ALDH3A1: variants seen among roughly 807,000 people sequenced by gnomAD.
ALDH3A1 encodes the protein aldehyde dehydrogenase, dimeric NADP-preferring.
A neutral mutation model predicts 49.9 loss-of-function variants in ALDH3A1; 46 were observed. The ratio of observed to expected loss-of-function variants is 0.92; its 90% CI spans 0.73 to 1.18. The LOEUF (loss-of-function observed/expected upper bound fraction) is 1.18. Among genes scored for constraint, ALDH3A1 ranks in the 50% most tolerant of loss-of-function variants. ALDH3A1 has a pLI of 0.00. For missense variants in ALDH3A1, 592 were observed against 611.8 expected, an observed-to-expected ratio of 0.97 and a Z score of 0.34; for synonymous variants, 269 against 253.3, an observed-to-expected ratio of 1.06 and a Z score of -0.59.
At chr17:19,738,634 C>A in intron 9 of ALDH3A1, 181 bp from the exon 10 acceptor site, 2 of 918,670 alleles carry the variant, frequency 2.2e-6, no homozygotes, top group Non-Finnish European at 3.2e-6. Context: ...GGTTGTGGCC[C>A]TTTTCTGGGC....
Position 19,741,253 on chromosome 17 carries a change from G to A in ALDH3A1, c.690-43C>T, listed in dbSNP as rs751274826. 34 of 1,573,064 alleles carry A rather than the reference G, an allele frequency of 2.2e-5. 1 individual carries two copies. The highest frequency in any genetic ancestry group is 2.7e-5 in the Non-Finnish European group (31 of 1,144,848). ...TGGACTAAATCCAAAAGGTTCCCCA[G>A]GAGTTGCATCTCGTTTTGCAGACCC... is the stretch of plus-strand genomic sequence containing the variant. On this transcript the variant is annotated intron_variant, in intron 5 of 10. Coordinates refer to ENST00000225740, the MANE Select transcript of ALDH3A1 (RefSeq NM_000691.5).
intron 8 of ALDH3A1, among the ~76,000 whole-genome samples, 177 bp from the exon 9 acceptor site, chr17:19,739,272 C>T (rs1286104213): frequency 6.6e-6 from 1 of 152,248 alleles, no homozygotes; most frequent in Non-Finnish European, 1.5e-5. Context: ...ACCACATGAG[C>T]AAAGAGTGAC....
chr17:19,745,218 CT>C (rs1250827522), intron 1 of ALDH3A1, 84 bp from the exon 2 acceptor site: 1 of 1,381,924 alleles, frequency 7.2e-7, no homozygotes, highest in Non-Finnish European at 9.6e-7. Context: ...TAGGAAGGGA[CT>C]TCCCTGGGCT....
rs1349079092 is a variant in ALDH3A1 at position 19,743,439 on chromosome 17, C to T, written c.187G>A (p.Glu63Lys). ...HKNEWNAYYE[E>K]VVYVLEEIEY... ...ATCTCCTCTAGGACGTACACCACCT[C>T]CTCATAGTAGGCGTTCCATTCATTC... Residue 63 changes from glutamate (E) to lysine (K), a missense_variant, in exon 3 of 11, where the codon GAG (glutamate) becomes AAG (lysine). Glu to Lys is a moderately conservative substitution (Grantham distance 56). Coordinates refer to ENST00000225740, the MANE Select transcript of ALDH3A1 (RefSeq NM_000691.5). This position sits in a 1 kb window ranked among gnomAD's most constrained non-coding sequence, Gnocchi z 4.4. The T allele has an allele frequency of 1.4e-5, 22 of 1,607,336 alleles. No individual in the cohort carries two copies. Among genetic ancestry groups the T allele is most frequent in the Non-Finnish European group, 1.7e-5 (20 of 1,175,886 alleles).
chr17:19,742,138 C>T lies in ALDH3A1; in HGVS notation c.555G>A (p.Leu185=), dbSNP rs1241245123. 6.2e-7 allele frequency: 1 copy of T among 1,614,120 alleles called. No individual in the cohort carries two copies. The highest frequency in any genetic ancestry group is 1.7e-5 in the Admixed American group (1 of 60,028). Reference sequence around the variant, plus strand: ...TCCCCACCCCCGTGCTGCCCGTGTACAGGATATGGTCGAACCTCTCCTTGA... The same window carrying T: ...TCCCCACCCCCGTGCTGCCCGTGTATAGGATATGGTCGAACCTCTCCTTGA... The part of the protein sequence containing the change: ...ELLKERFDHI[L]YTGSTGVGKI... Residue 185 remains leucine (L), a synonymous_variant, in exon 5 of 11, where the codon CTG becomes CTA. Coordinates refer to ENST00000225740, the MANE Select transcript of ALDH3A1 (RefSeq NM_000691.5).
At chr17:19,747,634 C>G (rs929184347) in intron 1 of ALDH3A1, among the ~76,000 whole-genome samples, 1 of 152,104 alleles carries the variant, frequency 6.6e-6, no homozygotes, top group South Asian at 2.1e-4. Flanking sequence ...ACCATCACGT[C>G]GCAGCTGCAC....
intron 7 of ALDH3A1, 69 bp from the exon 8 acceptor site, chr17:19,739,743 T>TA: frequency 6.4e-7 from 1 of 1,551,318 alleles, no homozygotes; most frequent in East Asian, 2.3e-5. Context: ...TGCAAGCACC[T>TA]AGACCCCTGC....
chr17:19,744,965 C>A lies in ALDH3A1; in HGVS notation c.162+3G>T, dbSNP rs1364010169. 1.3e-6 allele frequency: 2 copies of A among 1,542,424 alleles called. No individual in the cohort carries two copies. Among genetic ancestry groups the A allele is most frequent in the Non-Finnish European group, 1.7e-6 (2 of 1,153,386 alleles). On this transcript the variant is annotated splice_donor_region_variant and intron_variant, in intron 2 of 10. Coordinates refer to ENST00000225740, the MANE Select transcript of ALDH3A1 (RefSeq NM_000691.5). ...GCAGAAGGCGGCCGCCCAGCCTGAG[C>A]ACCTTGTGCAGGTCTGCGGCCAGCG...
At chr17:19,742,296 A>C in intron 4 of ALDH3A1, 84 bp from the exon 5 acceptor site, 1 of 1,452,156 alleles carries the variant, frequency 6.9e-7, no homozygotes, top group Non-Finnish European at 9.6e-7. Flanking sequence ...GCAGTGGCCA[A>C]GACCAGCAGC....
intron 7 of ALDH3A1, 146 bp from the exon 8 acceptor site, chr17:19,739,820 A>G: frequency 1.0e-6 from 1 of 988,380 alleles, no homozygotes; most frequent in South Asian, 1.7e-5. Flanking sequence ...TCAGAGAGGT[A>G]CCCTAGGCAC....
In ALDH3A1 at chr17:19,742,640, A is replaced by C; in HGVS notation, c.395-10T>G. ...AGGACCACTGAGTTCCCTGCAGAGCACACCGAGCCAGGCCTATGCCCAGGG... is the reference window on the plus strand; with the variant it reads ...AGGACCACTGAGTTCCCTGCAGAGCCCACCGAGCCAGGCCTATGCCCAGGG... On this transcript the variant is annotated splice_polypyrimidine_tract_variant and intron_variant, in intron 3 of 10. Transcript: ENST00000225740. 1 of 1,613,816 alleles carries C rather than the reference A, an allele frequency of 6.2e-7. No homozygotes were observed. The highest frequency in any genetic ancestry group is 1.7e-5 in the Admixed American group (1 of 60,010).
chr17:19,739,749 C>A, intron 7 of ALDH3A1, 75 bp from the exon 8 acceptor site: 1 of 1,521,594 alleles, frequency 6.6e-7, no homozygotes, highest in Non-Finnish European at 8.9e-7. Context: ...CACCTAGACC[C>A]CTGCTCCAAC....
At chr17:19,740,554 G>T (rs1483914993) in intron 6 of ALDH3A1, 77 bp from the exon 7 acceptor site, 1 of 1,528,406 alleles carries the variant, frequency 6.5e-7, no homozygotes, top group Admixed American at 1.8e-5. Flanking sequence ...ACACAGGCCA[G>T]CAGTGTCTGT....
Position 19,743,511 on chromosome 17 carries a change from C to A in ALDH3A1, c.163-48G>T. The stretch of plus-strand genomic sequence containing the variant: ...AGCTTCCAGGGCCAGGGCCCGCCTG[C>A]AGCTGGGGCGAGTGGGGAGCCCCAC... On this transcript the variant is annotated intron_variant, in intron 2 of 10. Coordinates refer to ENST00000225740, the MANE Select transcript of ALDH3A1 (RefSeq NM_000691.5). This position sits in a 1 kb window ranked among gnomAD's most constrained non-coding sequence, Gnocchi z 4.4. 6.5e-7 allele frequency: 1 copy of A among 1,543,240 alleles called. No homozygotes were observed. Among genetic ancestry groups the A allele is most frequent in the Non-Finnish European group, 8.7e-7 (1 of 1,143,534 alleles).
Position 19,743,723 on chromosome 17 carries a change from GCA to G in ALDH3A1, c.163-262_163-261del. Reference sequence around the variant, plus strand: ...GGGAGAGAGCCGGTGAAGGGACCAGGCATGGGCAACGGAATGGATCCAGGTAG... The same window carrying G: ...GGGAGAGAGCCGGTGAAGGGACCAGGTGGGCAACGGAATGGATCCAGGTAG... On this transcript the variant is annotated intron_variant, in intron 2 of 10. Coordinates refer to ENST00000225740, the MANE Select transcript of ALDH3A1 (RefSeq NM_000691.5). This position sits in a 1 kb window ranked among gnomAD's most constrained non-coding sequence, Gnocchi z 4.4. The G allele has an allele frequency of 1.0e-6, 1 of 985,170 alleles. No individual in the cohort carries two copies. Among genetic ancestry groups the G allele is most frequent in the Non-Finnish European group, 1.2e-6 (1 of 829,868 alleles). The allele number at this position is 985,170 out of a possible 1,614,324, so 61.0% of individuals were successfully genotyped here.
intron 9 of ALDH3A1, 125 bp from the exon 10 acceptor site, chr17:19,738,578 C>A: frequency 7.2e-7 from 1 of 1,383,634 alleles, no homozygotes; most frequent in Non-Finnish European, 9.9e-7. Context: ...CAGCCACCAT[C>A]ACCCATCCTT....
intron 2 of ALDH3A1, 141 bp downstream of exon 2, chr17:19,744,827 C>T: frequency 7.4e-7 from 1 of 1,348,654 alleles, no homozygotes; most frequent in Non-Finnish European, 9.5e-7. Context: ...GAGGGCGGTG[C>T]GCCCAGTCTC....
At chr17:19,744,901 G>GTC in intron 2 of ALDH3A1, 67 bp downstream of exon 2, 2 of 434,630 alleles carry the variant, frequency 4.6e-6, no homozygotes, top group South Asian at 3.1e-5. Flanking sequence ...ACTCTCCCCA[G>GTC]CCCCTCCCCC....
rs1478919883 is a variant in ALDH3A1, at chr17:19,738,124, C to A, written c.*97G>T. The A allele has an allele frequency of 6.2e-7, 1 of 1,604,756 alleles. No individual in the cohort carries two copies. Among genetic ancestry groups the A allele is most frequent in the East Asian group, 2.2e-5 (1 of 44,790 alleles). On this transcript the variant is annotated 3_prime_UTR_variant, in exon 11 of 11. Coordinates refer to ENST00000225740, the MANE Select transcript of ALDH3A1 (RefSeq NM_000691.5). Reference sequence around the variant, plus strand: ...GCAGAGGAGTGGGGCTGGGCTGGGGCTGCAGGAGCGATTCTCCCAGGGCCA... The same window carrying A: ...GCAGAGGAGTGGGGCTGGGCTGGGGATGCAGGAGCGATTCTCCCAGGGCCA...
Sources: allele counts gnomAD v4.1 joint callset (sites outside exome capture counted in the v4.1 genomes callset), GRCh38; gene constraint gnomAD v4.1.1; non-coding constraint Gnocchi (gnomAD v3.1); transcripts MANE v1.5; gene names NCBI Gene and HGNC (gene_info 2026-07-23, HGNC 2026-07-21).